Variants in SUMO2 observed in about 807,000 individuals in gnomAD.
SUMO2 encodes small ubiquitin like modifier 2.
In SUMO2, 1 loss-of-function variant was observed where a neutral mutation model predicts 16.0. The observed-to-expected ratio is 0.06, with a 90% CI of 0.02 to 0.30. SUMO2 has a LOEUF of 0.30. Among genes scored for constraint, SUMO2 ranks in the 10% least tolerant of loss-of-function variants. The pLI is 1.00. For missense variants in SUMO2, 16 were observed against 117.5 expected, an observed-to-expected ratio of 0.14 and a Z score of 3.99; for synonymous variants, 36 against 40.6, an observed-to-expected ratio of 0.89 and a Z score of 0.43.
intron 3 of SUMO2, among the ~76,000 whole-genome samples, chr17:75,169,443 G>A (rs2074718362): frequency 6.6e-6 from 1 of 151,368 alleles, no homozygotes; most frequent in African/African-American, 2.4e-5. Context: ...GAGTCCAGTG[G>A]CAGGATCTCA....
chr17:75,168,883 G>C (rs1325956126), intron 3 of SUMO2, among the ~76,000 whole-genome samples: 2 of 152,018 alleles, frequency 1.3e-5, no homozygotes, highest in African/African-American at 2.4e-5. Flanking sequence ...GGGATTACAG[G>C]TGTGAGCCAC....
At chr17:75,182,661 G>T (rs896613271) in intron 1 of SUMO2, 153 bp downstream of exon 1, 2 of 526,220 alleles carry the variant, frequency 3.8e-6, no homozygotes, top group African/African-American at 2.0e-5. Context: ...AGGGAGGGAG[G>T]AAAATGGCGC....
chr17:75,175,061 A>T (rs909151781), intron 2 of SUMO2, among the ~76,000 whole-genome samples: 3 of 152,132 alleles, frequency 2.0e-5, no homozygotes, highest in Non-Finnish European at 4.4e-5. Context: ...AGCTCAAGGC[A>T]ACCTACACCT....
chr17:75,166,116 G>C lies in SUMO2; in HGVS notation c.*2223C>G, dbSNP rs2074691085. 1 of 152,014 alleles carries C rather than the reference G, an allele frequency of 6.6e-6. No individual in the cohort carries two copies. The highest frequency in any genetic ancestry group is 1.5e-5 in the Non-Finnish European group (1 of 68,042). The allele number at this position is 152,014 out of a possible 1,614,324, so 9.4% of individuals were successfully genotyped here. On this transcript the variant is annotated 3_prime_UTR_variant, in exon 4 of 4. Coordinates refer to ENST00000420826, the MANE Select transcript of SUMO2 (RefSeq NM_006937.4). ...CAACACTTTGGGAGGCCAAGACAAGGGACTGAGGCCAGAAGTTCGAGACCA... is the reference window on the plus strand; with the variant it reads ...CAACACTTTGGGAGGCCAAGACAAGCGACTGAGGCCAGAAGTTCGAGACCA...
At chr17:75,177,884 G>A (rs2074795278) in intron 2 of SUMO2, among the ~76,000 whole-genome samples, 1 of 151,154 alleles carries the variant, frequency 6.6e-6, no homozygotes, top group African/African-American at 2.4e-5. Flanking sequence ...ACCTACTCAG[G>A]AGGCTGAGGC....
In SUMO2 at chr17:75,166,811, G is replaced by A. The variant is rs2145212921; in HGVS notation, c.*1528C>T. On this transcript the variant is annotated 3_prime_UTR_variant, in exon 4 of 4. Transcript: ENST00000420826. ...AAAAAGACCTAAGACGGGAGGCTGA[G>A]GCAGGAGAATGGCGTGAACCCGGGA... The A allele has an allele frequency of 6.6e-6, 1 of 152,350 alleles. No individual in the cohort carries two copies. Among genetic ancestry groups the A allele is most frequent in the Admixed American group, 6.6e-5 (1 of 15,240 alleles). The allele number at this position is 152,350 out of a possible 1,614,324, so 9.4% of individuals were successfully genotyped here.
intron 2 of SUMO2, among the ~76,000 whole-genome samples, chr17:75,175,721 C>T (rs1440823056): frequency 6.6e-6 from 1 of 151,090 alleles, no homozygotes; most frequent in African/African-American, 2.4e-5. Context: ...CAACCTCCGC[C>T]TCCTGGGTTC....
In SUMO2 at chr17:75,166,172, A is replaced by C. The variant is rs574661441; in HGVS notation, c.*2167T>G. 6.6e-6 allele frequency: 1 copy of C among 151,802 alleles called. No individual in the cohort carries two copies. Among genetic ancestry groups the C allele is most frequent in the East Asian group, 2.0e-4 (1 of 5,066 alleles). 9.4% of individuals were successfully genotyped at this position (151,802 alleles called of 1,614,324 possible). On this transcript the variant is annotated 3_prime_UTR_variant, in exon 4 of 4. Transcript: ENST00000420826. Reference sequence around the variant, plus strand: ...GTCAACATGGTGAGACCCCACCTCTAATTTAAAAATAATAAAAATTTGGCC... The same window carrying C: ...GTCAACATGGTGAGACCCCACCTCTCATTTAAAAATAATAAAAATTTGGCC...
chr17:75,182,867 C>T lies in SUMO2; in HGVS notation c.-33G>A, dbSNP rs752697425. The T allele has an allele frequency of 2.9e-6, 4 of 1,384,550 alleles. No individual in the cohort carries two copies. The South Asian group carries it at 5.3e-5, about 18-fold the overall frequency. The allele number at this position is 1,384,550 out of a possible 1,614,324, so 85.8% of individuals were successfully genotyped here. ...GCCGGAGTCTCCTCAGCTGCCGCTT[C>T]ACAAAAGAGGTACCAGGTCCGCACC... On this transcript the variant is annotated 5_prime_UTR_variant, in exon 1 of 4. Coordinates refer to ENST00000420826, the MANE Select transcript of SUMO2 (RefSeq NM_006937.4).
intron 2 of SUMO2, 61 bp downstream of exon 2, chr17:75,180,996 A>C: frequency 6.3e-7 from 1 of 1,598,914 alleles, no homozygotes; most frequent in Non-Finnish European, 8.5e-7. Context: ...TTTTGTTCCC[A>C]TGAAAATAAG....
In SUMO2 at chr17:75,168,322, A is replaced by G. The variant is rs2074709207; in HGVS notation, c.*17T>C. ...TTTAAAGAACAGAGTTCTGGAGTAA[A>G]GAAGCAGGTTCCCTTTTCAGTAGAC... is the stretch of plus-strand genomic sequence containing the variant. On this transcript the variant is annotated 3_prime_UTR_variant, in exon 4 of 4. Transcript: ENST00000420826. 1 of 1,568,212 alleles carries G rather than the reference A, an allele frequency of 6.4e-7. No homozygotes were observed. The highest frequency in any genetic ancestry group is 8.6e-7 in the Non-Finnish European group (1 of 1,156,076).
rs2074694952 is a variant in SUMO2 at position 75,166,603 on chromosome 17, A to G, written c.*1736T>C. 2 of 152,270 alleles carry G rather than the reference A, an allele frequency of 1.3e-5. No individual in the cohort carries two copies. Among genetic ancestry groups the G allele is most frequent in the South Asian group, 2.1e-4 (1 of 4,832 alleles). The allele number at this position is 152,270 out of a possible 1,614,324, so 9.4% of individuals were successfully genotyped here. On this transcript the variant is annotated 3_prime_UTR_variant, in exon 4 of 4. Transcript: ENST00000420826. ...CAGGGGTTTGAGCCCGGCCTGGACA[A>G]TATGGCGAAACACTCTCTATAAAAA... is the stretch of plus-strand genomic sequence containing the variant.
intron 3 of SUMO2, among the ~76,000 whole-genome samples, chr17:75,169,485 G>A (rs1388614707): frequency 2.0e-5 from 3 of 151,060 alleles, no homozygotes; most frequent in African/African-American, 7.3e-5. Flanking sequence ...CTGGGTTCAC[G>A]CCATTCTCCT....
At chr17:75,182,545 G>A in intron 1 of SUMO2, 1 of 272,774 alleles carries the variant, frequency 3.7e-6, no homozygotes, top group Non-Finnish European at 6.8e-6. Flanking sequence ...GTGGGTCCGC[G>A]GGCGTCCGCT....
rs59613076 is a variant in SUMO2, at chr17:75,177,988, C to CAAAAA, written c.153+3064_153+3068dup. Among the ~76,000 whole-genome samples, 257 of 66,354 alleles carry CAAAAA rather than the reference C, an allele frequency of 3.9e-3. 19 individuals are homozygous for CAAAAA. The highest frequency in any genetic ancestry group is 0.019 in the Middle Eastern group (1 of 54). 43.5% of individuals were successfully genotyped at this position (66,354 alleles called of 152,430 possible). On this transcript the variant is annotated intron_variant, in intron 2 of 3. Transcript: ENST00000420826. ...TGACCGACAAAGCGAGACTCCGTCT[C>CAAAAA]AAAAAAAAAAAAAAAAAAAAAAAGA...
intron 1 of SUMO2, 89 bp from the exon 2 acceptor site, chr17:75,181,277 A>C (rs1263695783): frequency 2.9e-6 from 4 of 1,379,378 alleles, no homozygotes; most frequent in Non-Finnish European, 3.0e-6. Context: ...TGCTTCAAAA[A>C]TCAACAGGTT....
intron 2 of SUMO2, among the ~76,000 whole-genome samples, chr17:75,179,250 T>C (rs541623182): frequency 6.6e-6 from 1 of 151,878 alleles, no homozygotes; most frequent in East Asian, 2.0e-4. Context: ...GGTATCTTGC[T>C]GGGCACAGTG....
In SUMO2 at chr17:75,182,954, G is replaced by A. The variant is rs1007340001; in HGVS notation, c.-120C>T. The A allele has an allele frequency of 1.3e-5, 11 of 870,470 alleles. No homozygotes were observed. Among genetic ancestry groups the A allele is most frequent in the East Asian group, 6.8e-5 (2 of 29,254 alleles). 53.9% of individuals were successfully genotyped at this position (870,470 alleles called of 1,614,324 possible). Reference sequence around the variant, plus strand: ...AAGGAGGCGGCAGCGGTGGACGAGGGGAGAGGGTGCGCGCACGTCGTGCGC... The same window carrying A: ...AAGGAGGCGGCAGCGGTGGACGAGGAGAGAGGGTGCGCGCACGTCGTGCGC... On this transcript the variant is annotated 5_prime_UTR_variant, in exon 1 of 4. Transcript: ENST00000420826.
At chr17:75,172,349 A>T (rs2074747080) in intron 3 of SUMO2, among the ~76,000 whole-genome samples, 1 of 130,510 alleles carries the variant, frequency 7.7e-6, no homozygotes, top group Non-Finnish European at 1.6e-5. Flanking sequence ...TTTTTGAGAC[A>T]GGGGCTGTTA....
Sources: gnomAD v4.1 joint callset for allele counts (sites outside exome capture counted in the v4.1 genomes callset) on GRCh38, gnomAD v4.1.1 for gene constraint, MANE v1.5 for transcripts, NCBI Gene and HGNC (gene_info 2026-07-23, HGNC 2026-07-21) for gene names.